Variants in PPARGC1A observed in about 807,000 individuals in gnomAD.
PPARGC1A encodes the protein peroxisome proliferator-activated receptor gamma coactivator 1-alpha.
In PPARGC1A, 25 loss-of-function variants were observed where a neutral mutation model predicts 88.7. The ratio of observed to expected loss-of-function variants is 0.28; its 90% CI spans 0.21 to 0.39. The LOEUF (loss-of-function observed/expected upper bound fraction) is 0.39. Ranked by LOEUF, PPARGC1A falls within the 10% of genes least tolerant of loss-of-function variation. The pLI, the probability that PPARGC1A is intolerant of heterozygous loss-of-function variation, is 1.00. For synonymous variants in PPARGC1A, 363 were observed against 355.6 expected (o/e 1.02, Z -0.24); for missense variants, 880 against 968.7 (o/e 0.91, Z 1.22).
chr4:24,220,256 T>C, the PPARGC1A span, among the ~76,000 whole-genome samples: 1 of 152,218 alleles, frequency 6.6e-6, no homozygotes, highest in African/African-American at 2.4e-5. Context: ...GAAAAGGGAA[T>C]GCTTATACAC....
intron 2 of PPARGC1A, among the ~76,000 whole-genome samples, chr4:23,843,737 A>G (rs1400013912): frequency 6.6e-6 from 1 of 152,058 alleles, no homozygotes; most frequent in Admixed American, 6.6e-5. Flanking sequence ...AAAATTCATT[A>G]TCTCCCAGTT....
the PPARGC1A span, among the ~76,000 whole-genome samples, chr4:24,417,355 C>T: frequency 6.6e-6 from 1 of 152,126 alleles, no homozygotes; most frequent in East Asian, 1.9e-4. Context: ...GCCAAGAATC[C>T]CTTCCTTCCC....
chr4:23,857,374 A>T (rs186044223), intron 2 of PPARGC1A, among the ~76,000 whole-genome samples: 20,151 of 61,774 alleles, frequency 0.33, 1,871 homozygotes, highest in Non-Finnish European at 0.37. Context: ...TGTGTGTGTG[A>T]CACACACACA....
chr4:24,421,519 G>A, the PPARGC1A span, among the ~76,000 whole-genome samples: 1 of 152,060 alleles, frequency 6.6e-6, no homozygotes, highest in Non-Finnish European at 1.5e-5. Context: ...CACCGTGTTA[G>A]CCAGGATGAT....
the PPARGC1A span, among the ~76,000 whole-genome samples, chr4:24,164,254 C>G: frequency 2.6e-5 from 4 of 152,082 alleles, no homozygotes; most frequent in East Asian, 7.7e-4. Context: ...GGGGCTGGTA[C>G]CCGATGCAGA....
At chr4:24,138,909 C>A in the PPARGC1A span, among the ~76,000 whole-genome samples, 1 of 152,120 alleles carries the variant, frequency 6.6e-6, no homozygotes, top group Admixed American at 6.5e-5. Flanking sequence ...CTTTAACCTA[C>A]AAGACACTCT....
chr4:24,187,478 A>C, the PPARGC1A span, among the ~76,000 whole-genome samples: 8 of 152,198 alleles, frequency 5.3e-5, no homozygotes, highest in Non-Finnish European at 5.9e-5. Flanking sequence ...GGAGTTCAGG[A>C]GCCCCGGGTT....
the PPARGC1A span, among the ~76,000 whole-genome samples, chr4:23,940,294 T>C: frequency 1.3e-5 from 2 of 152,170 alleles, no homozygotes; most frequent in African/African-American, 4.8e-5. Flanking sequence ...ACAAACCATC[T>C]TATAACAGAG....
At chr4:24,252,201 T>C in the PPARGC1A span, among the ~76,000 whole-genome samples, 1 of 152,194 alleles carries the variant, frequency 6.6e-6, no homozygotes, top group African/African-American at 2.4e-5. Flanking sequence ...TGTTCTATGA[T>C]GTAAACATGA....
the PPARGC1A span, among the ~76,000 whole-genome samples, chr4:23,995,094 A>C: frequency 6.6e-6 from 1 of 151,372 alleles, no homozygotes; most frequent in African/African-American, 2.4e-5. Flanking sequence ...CTAGTTAAAA[A>C]CCCCCAGTGG....
At chr4:23,959,231 C>T in the PPARGC1A span, among the ~76,000 whole-genome samples, 3 of 152,084 alleles carry the variant, frequency 2.0e-5, no homozygotes, top group African/African-American at 4.8e-5. Context: ...TGAGGAGGAG[C>T]TCTTTGCTGA....
the PPARGC1A span, among the ~76,000 whole-genome samples, chr4:24,010,274 C>T: frequency 6.6e-6 from 1 of 152,094 alleles, no homozygotes; most frequent in Non-Finnish European, 1.5e-5. Flanking sequence ...ACTACTTATT[C>T]CAGTACCTAG....
At chr4:24,000,012 C>T in the PPARGC1A span, among the ~76,000 whole-genome samples, 18 of 152,130 alleles carry the variant, frequency 1.2e-4, no homozygotes, top group Admixed American at 7.9e-4. Context: ...CACAGTGACT[C>T]AGAGCGAATA....
the PPARGC1A span, among the ~76,000 whole-genome samples, chr4:24,424,160 G>A: frequency 6.9e-6 from 1 of 145,780 alleles, no homozygotes; most frequent in African/African-American, 2.5e-5. Flanking sequence ...TTCTAGAGCT[G>A]ACTTTCTAAT....
At chr4:24,117,568 C>CA in the PPARGC1A span, among the ~76,000 whole-genome samples, 3 of 150,522 alleles carry the variant, frequency 2.0e-5, no homozygotes, top group Admixed American at 2.0e-4. Context: ...ATCTAGTAGG[C>CA]AAAAAACGTG....
chr4:24,406,565 C>A, the PPARGC1A span, among the ~76,000 whole-genome samples: 1 of 152,200 alleles, frequency 6.6e-6, no homozygotes, highest in Admixed American at 6.5e-5. Context: ...CAAGAAATTG[C>A]ACTTCGGAAT....
At chr4:24,161,708 G>A in the PPARGC1A span, among the ~76,000 whole-genome samples, 2 of 152,160 alleles carry the variant, frequency 1.3e-5, no homozygotes, top group Admixed American at 6.6e-5. Context: ...GAGAGGTTCC[G>A]ATGGTAAATT....
chr4:24,355,884 T>A, the PPARGC1A span, among the ~76,000 whole-genome samples: 1 of 152,182 alleles, frequency 6.6e-6, no homozygotes, highest in Non-Finnish European at 1.5e-5. Flanking sequence ...GTAGTCCTCA[T>A]GCCTATCTCT....
intron 10 of PPARGC1A, among the ~76,000 whole-genome samples, chr4:23,811,454 A>G (rs1004496046): frequency 2.0e-5 from 3 of 152,240 alleles, no homozygotes; most frequent in Non-Finnish European, 4.4e-5. Context: ...GCAGTGCTAT[A>G]TCTCATTGAT....
Sources: gnomAD v4.1 joint callset for allele counts (sites outside exome capture counted in the v4.1 genomes callset) on GRCh38, gnomAD v4.1.1 for gene constraint, MANE v1.5 for transcripts, NCBI Gene and HGNC (gene_info 2026-07-23, HGNC 2026-07-21) for gene names.